The following TTC28 variants were observed in gnomAD, a reference collection of about 807,000 sequenced individuals.
TTC28 encodes the protein tetratricopeptide repeat domain 28, also known as tetratricopeptide repeat protein 28.
A neutral mutation model predicts 198.0 loss-of-function variants in TTC28; 61 were observed. The ratio of observed to expected loss-of-function variants is 0.31; its 90% CI spans 0.25 to 0.38. The LOEUF is 0.38. TTC28 is among the 10% of genes least tolerant of loss of function. The pLI, the probability that TTC28 is intolerant of heterozygous loss-of-function variation, is 1.00. For synonymous variants in TTC28, 1,171 were observed against 1,297.8 expected (o/e 0.90, Z 2.10); for missense variants, 2,678 against 3,164.0 (o/e 0.85, Z 3.69).
chr22:28,230,978 T>C (rs1928758517), intron 5 of TTC28, among the ~76,000 whole-genome samples: 1 of 152,170 alleles, frequency 6.6e-6, no homozygotes, highest in Admixed American at 6.5e-5. Flanking sequence ...TTTATGGGTA[T>C]GAATTATAAT....
At chr22:28,320,148 G>A (rs939578512) in intron 2 of TTC28, among the ~76,000 whole-genome samples, 1 of 152,066 alleles carries the variant, frequency 6.6e-6, no homozygotes, top group Non-Finnish European at 1.5e-5. Flanking sequence ...CAGGCTACAT[G>A]CATAAAAGCA....
intron 5 of TTC28, among the ~76,000 whole-genome samples, chr22:28,198,007 T>C (rs1029193566): frequency 1.3e-5 from 2 of 152,150 alleles, no homozygotes; most frequent in Admixed American, 1.3e-4. Context: ...TTCACCATGA[T>C]GAAAATGGAG....
At chr22:28,325,274 T>C (rs983487521) in intron 2 of TTC28, among the ~76,000 whole-genome samples, 8 of 152,340 alleles carry the variant, frequency 5.3e-5, no homozygotes, top group Admixed American at 3.9e-4. Context: ...GTGGTGTTTA[T>C]AGTATTCTCT....
intron 5 of TTC28, among the ~76,000 whole-genome samples, chr22:28,259,654 A>C (rs977142266): frequency 6.6e-6 from 1 of 152,150 alleles, no homozygotes; most frequent in Non-Finnish European, 1.5e-5. Context: ...ATTAAATATG[A>C]AAAGACAGCT....
chr22:27,985,091 T>C (rs1002765896), intron 22 of TTC28, among the ~76,000 whole-genome samples, 158 bp downstream of exon 22: 2 of 152,208 alleles, frequency 1.3e-5, no homozygotes, highest in South Asian at 2.1e-4. Flanking sequence ...AGTTTTTGTT[T>C]CCTGCTCCTG....
chr22:28,365,576 A>C (rs2046234334), intron 2 of TTC28, among the ~76,000 whole-genome samples: 4 of 152,228 alleles, frequency 2.6e-5, no homozygotes, highest in Admixed American at 2.6e-4. Flanking sequence ...CATTAGTGCT[A>C]ATGGGCTCAG....
chr22:28,679,789 T>C lies in TTC28; in HGVS notation c.-66A>G. 2 of 855,026 alleles carry C rather than the reference T, an allele frequency of 2.3e-6. No individual in the cohort carries two copies. The highest frequency in any genetic ancestry group is 3.0e-6 in the Non-Finnish European group (2 of 671,008). The allele number at this position is 855,026 out of a possible 1,614,324, so 53.0% of individuals were successfully genotyped here. A position where few individuals can be genotyped will look rare whatever the true frequency, so the allele number is the denominator to read the frequency against. On this transcript the variant is annotated 5_prime_UTR_variant, in exon 1 of 23. Coordinates refer to ENST00000397906, the MANE Select transcript of TTC28 (RefSeq NM_001145418.2). ...CCCGCCAGCTAGGCGCGCGCGCCGG[T>C]TCCGCGCGCCATGTTCCCGCCGTGC...
chr22:28,679,627 C>CCGACGCCGGCGG lies in TTC28; in HGVS notation c.85_96dup (p.Pro29_Ser32dup). On this transcript the variant is annotated inframe_insertion, in exon 1 of 23. Coordinates refer to ENST00000397906, the MANE Select transcript of TTC28 (RefSeq NM_001145418.2). ...CGAGCCCCTCACGCACTCACCGGCG[C>CCGACGCCGGCGG]CGACGCCGGCGGCGACTCTGGCTCC... 4.1e-6 allele frequency: 6 copies of CCGACGCCGGCGG among 1,461,814 alleles called. No individual in the cohort carries two copies. In the South Asian group the frequency reaches 7.7e-5, roughly 19 times the overall value. 90.6% of individuals were successfully genotyped at this position (1,461,814 alleles called of 1,614,324 possible).
chr22:28,305,052 G>C (rs1301105130), intron 3 of TTC28, among the ~76,000 whole-genome samples: 1 of 151,804 alleles, frequency 6.6e-6, no homozygotes, highest in Non-Finnish European at 1.5e-5. Flanking sequence ...GCAGTGGTGC[G>C]ATCTCGGCTC....
chr22:28,215,159 C>T (rs140877612), intron 5 of TTC28, among the ~76,000 whole-genome samples: 5 of 152,094 alleles, frequency 3.3e-5, no homozygotes, highest in African/African-American at 4.8e-5. Context: ...AGAGGGATAG[C>T]ATTAAGAGAT....
At chr22:28,475,445 G>A in intron 2 of TTC28, among the ~76,000 whole-genome samples, 1 of 152,040 alleles carries the variant, frequency 6.6e-6, no homozygotes, top group African/African-American at 2.4e-5. Flanking sequence ...CACCGACATG[G>A]GGAAAGCGTG....
intron 12 of TTC28, among the ~76,000 whole-genome samples, chr22:28,078,639 T>C (rs1941241785): frequency 6.6e-6 from 1 of 152,072 alleles, no homozygotes; most frequent in South Asian, 2.1e-4. Flanking sequence ...CTCCAAAAGG[T>C]GATTAGACTA....
intron 2 of TTC28, among the ~76,000 whole-genome samples, chr22:28,544,613 T>C (rs982915961): frequency 3.9e-5 from 6 of 151,922 alleles, no homozygotes; most frequent in East Asian, 1.9e-4. Flanking sequence ...CAGGATGAGA[T>C]AGGAGGTCAG....
chr22:28,288,081 A>T (rs2044718181), intron 5 of TTC28, among the ~76,000 whole-genome samples: 2 of 152,146 alleles, frequency 1.3e-5, no homozygotes, highest in African/African-American at 4.8e-5. Context: ...TGACAATAAC[A>T]TCAATAATAA....
chr22:28,644,855 C>G (rs1387494539), intron 1 of TTC28, among the ~76,000 whole-genome samples: 1 of 151,720 alleles, frequency 6.6e-6, no homozygotes. Flanking sequence ...TTTTTAAATG[C>G]TCCAGTTCAG....
At chr22:28,341,004 T>A (rs2045819891) in intron 2 of TTC28, among the ~76,000 whole-genome samples, 1 of 152,060 alleles carries the variant, frequency 6.6e-6, no homozygotes, top group African/African-American at 2.4e-5. Flanking sequence ...GGAAGAAAAA[T>A]TATTTTAATT....
intron 7 of TTC28, among the ~76,000 whole-genome samples, 191 bp from the exon 8 acceptor site, chr22:28,105,993 CA>C (rs1942287412): frequency 6.6e-6 from 1 of 152,138 alleles, no homozygotes; most frequent in Admixed American, 6.5e-5. Context: ...GAAAGCAATT[CA>C]AAAGTCATCC....
intron 2 of TTC28, among the ~76,000 whole-genome samples, chr22:28,460,605 TGGTAGATAGATAGATAGATA>T (rs1335909667): frequency 5.4e-5 from 7 of 129,668 alleles, no homozygotes; most frequent in Non-Finnish European, 1.1e-4. Context: ...AGATGATTAA[TGGTAGATAGATAGATAGATA>T]GATAGATAGA....
intron 12 of TTC28, among the ~76,000 whole-genome samples, chr22:28,053,411 C>T (rs1320729852): frequency 2.0e-5 from 3 of 152,158 alleles, no homozygotes; most frequent in Non-Finnish European, 4.4e-5. Flanking sequence ...GGGTCAGAGA[C>T]CTCTGTCTGA....
Sources: allele counts gnomAD v4.1 joint callset (sites outside exome capture counted in the v4.1 genomes callset), GRCh38; gene constraint gnomAD v4.1.1; transcripts MANE v1.5; gene names NCBI Gene and HGNC (gene_info 2026-07-23, HGNC 2026-07-21).